MTUS2: variants seen among roughly 807,000 people sequenced by gnomAD.
The protein encoded by MTUS2 is microtubule associated scaffold protein 2.
A neutral mutation model predicts 114.1 loss-of-function variants in MTUS2; 40 were observed. The observed-to-expected ratio is 0.35, with a 90% CI of 0.27 to 0.46. MTUS2 has a LOEUF of 0.46. Ranked by LOEUF, MTUS2 falls within the 20% of genes least tolerant of loss-of-function variation. The pLI is 1.00. For missense variants in MTUS2, 1,679 were observed against 1,705.4 expected (o/e 0.98, Z 0.27); for synonymous variants, 688 against 672.0 (o/e 1.02, Z -0.37).
At chr13:29,443,734 A>G (rs1878075731) in intron 9 of MTUS2, among the ~76,000 whole-genome samples, 1 of 152,236 alleles carries the variant, frequency 6.6e-6, no homozygotes, top group Non-Finnish European at 1.5e-5. Flanking sequence ...TGATGGGAGA[A>G]GAGCATTGAA....
chr13:28,924,159 A>AG (rs966438314), intron 2 of MTUS2, among the ~76,000 whole-genome samples: 3 of 151,794 alleles, frequency 2.0e-5, no homozygotes, highest in Non-Finnish European at 4.4e-5. Context: ...TGCTTTTGGG[A>AG]GGGGGGTCCT....
intron 2 of MTUS2, among the ~76,000 whole-genome samples, chr13:28,993,921 C>CT (rs538323757): frequency 1.3e-3 from 204 of 151,240 alleles, no homozygotes; most frequent in Non-Finnish European, 2.5e-3. Context: ...TATTATTATA[C>CT]TTTAAGTTTT....
At chr13:29,008,558 T>C (rs935117563) in intron 2 of MTUS2, among the ~76,000 whole-genome samples, 3 of 152,344 alleles carry the variant, frequency 2.0e-5, no homozygotes, top group Non-Finnish European at 4.4e-5. Flanking sequence ...GGAATATACA[T>C]ATGTTTGAAT....
At chr13:29,163,527 C>T (rs1165351152) in intron 5 of MTUS2, among the ~76,000 whole-genome samples, 1 of 152,172 alleles carries the variant, frequency 6.6e-6, no homozygotes, top group Non-Finnish European at 1.5e-5. Context: ...CACCCGTGTG[C>T]ATATGTGTTC....
At chr13:29,164,066 C>T (rs1244410013) in intron 5 of MTUS2, among the ~76,000 whole-genome samples, 9 of 152,114 alleles carry the variant, frequency 5.9e-5, no homozygotes, top group African/African-American at 2.2e-4. Flanking sequence ...CTGTGGTTCC[C>T]GAGAGAATAG....
At chr13:29,233,292 A>G (rs1035146522) in intron 5 of MTUS2, among the ~76,000 whole-genome samples, 1 of 151,982 alleles carries the variant, frequency 6.6e-6, no homozygotes, top group Non-Finnish European at 1.5e-5. Flanking sequence ...AGTTGGACAT[A>G]GGTGACCAAA....
At chr13:29,046,953 C>A (rs1887649616) in intron 4 of MTUS2, among the ~76,000 whole-genome samples, 1 of 152,136 alleles carries the variant, frequency 6.6e-6, no homozygotes, top group Admixed American at 6.5e-5. Context: ...TATGACCTGA[C>A]CCCAGCCAAT....
At chr13:29,043,755 A>G (rs1887483623) in intron 4 of MTUS2, among the ~76,000 whole-genome samples, 3 of 135,484 alleles carry the variant, frequency 2.2e-5, no homozygotes, top group African/African-American at 8.3e-5. Flanking sequence ...TCTAGACTTT[A>G]AACAATAAAG....
At chr13:29,464,909 T>C (rs937792791) in intron 9 of MTUS2, among the ~76,000 whole-genome samples, 1 of 151,794 alleles carries the variant, frequency 6.6e-6, no homozygotes, top group Non-Finnish European at 1.5e-5. Context: ...GCCATGCTAA[T>C]TCTAACGCAT....
chr13:28,995,524 A>G (rs1046396441), intron 2 of MTUS2, among the ~76,000 whole-genome samples: 6 of 151,992 alleles, frequency 3.9e-5, no homozygotes, highest in African/African-American at 1.5e-4. Context: ...GATTCTTCCT[A>G]CCCATGAGCA....
intron 9 of MTUS2, among the ~76,000 whole-genome samples, chr13:29,444,146 G>C (rs1878103783): frequency 6.6e-6 from 1 of 152,156 alleles, no homozygotes; most frequent in African/African-American, 2.4e-5. Flanking sequence ...CATCTGGACT[G>C]AGCACAGCGG....
intron 9 of MTUS2, chr13:29,476,557 A>G (rs959576788): frequency 2.5e-5 from 1 of 40,600 alleles, no homozygotes; most frequent in African/African-American, 7.2e-5. Context: ...CACATACCAT[A>G]CAACCCACCC....
intron 6 of MTUS2, among the ~76,000 whole-genome samples, chr13:29,308,498 A>G (rs373120499): frequency 3.8e-4 from 58 of 152,356 alleles, no homozygotes; most frequent in Non-Finnish European, 4.3e-4. Flanking sequence ...GGCACGGGCA[A>G]AGATTTCATG....
At chr13:29,474,638 A>T (rs1360333349) in intron 9 of MTUS2, among the ~76,000 whole-genome samples, 2 of 152,172 alleles carry the variant, frequency 1.3e-5, no homozygotes, top group African/African-American at 4.8e-5. Context: ...AGGTCATTCC[A>T]TGATACTACA....
Position 29,281,753 on chromosome 13 carries a change from T to G in MTUS2, c.2694T>G (p.Pro898=), listed in dbSNP as rs1225918911. The G allele has an allele frequency of 4.3e-6, 7 of 1,611,208 alleles. No homozygotes were observed. The African/African-American group carries it at 9.3e-5, about 22-fold the overall frequency. ...EEQPVLKASL[P]SKDTPKGAGR... ...AGCCAGTTCTGAAGGCATCTCTGCC[T>G]TCTAAGGACACACCCAAGGGGGCCG... The change falls in exon 6 of 16, where the codon CCT becomes CCG. Residue 898 remains proline, a synonymous_variant. Transcript: ENST00000612955.
At chr13:29,378,330 T>C (rs1266661160) in intron 8 of MTUS2, among the ~76,000 whole-genome samples, 1 of 152,206 alleles carries the variant, frequency 6.6e-6, no homozygotes, top group South Asian at 2.1e-4. Flanking sequence ...GGTTGTTTTC[T>C]TATTGTCCTT....
chr13:28,926,147 G>C (rs754776668), intron 2 of MTUS2, among the ~76,000 whole-genome samples: 1 of 152,244 alleles, frequency 6.6e-6, no homozygotes, highest in South Asian at 2.1e-4. Context: ...TCAAATTGGA[G>C]GCAAGCTATT....
At chr13:29,432,010 ATTTTTTTT>A (rs57182093) in intron 8 of MTUS2, among the ~76,000 whole-genome samples, 8 of 81,038 alleles carry the variant, frequency 9.9e-5, no homozygotes, top group Non-Finnish European at 1.7e-4. Flanking sequence ...ACGCTCAGCT[ATTTTTTTT>A]TTTTTTTTTT....
chr13:29,111,542 T>G (rs543214114), intron 5 of MTUS2, among the ~76,000 whole-genome samples: 1 of 152,290 alleles, frequency 6.6e-6, no homozygotes, highest in South Asian at 2.1e-4. Flanking sequence ...AGGTCAGAGG[T>G]CACATTTTGT....
Sources: allele counts gnomAD v4.1 joint callset (sites outside exome capture counted in the v4.1 genomes callset), GRCh38; gene constraint gnomAD v4.1.1; transcripts MANE v1.5; gene names NCBI Gene and HGNC (gene_info 2026-07-23, HGNC 2026-07-21).